The following AFAP1L2 variants were observed in gnomAD, a reference collection of about 807,000 sequenced individuals.
The protein encoded by AFAP1L2 is actin filament-associated protein 1-like 2.
In AFAP1L2, 46 loss-of-function variants were observed where a neutral mutation model predicts 99.3. The observed-to-expected ratio is 0.46, with a 90% CI of 0.37 to 0.59. The LOEUF is 0.59. Ranked by LOEUF, AFAP1L2 falls within the 20% of genes least tolerant of loss-of-function variation. The pLI is 0.00. For missense variants in AFAP1L2, 959 were observed against 1,034.9 expected, an observed-to-expected ratio of 0.93 and a Z score of 1.01; for synonymous variants, 397 against 419.1, an observed-to-expected ratio of 0.95 and a Z score of 0.64.
intron 1 of AFAP1L2, among the ~76,000 whole-genome samples, chr10:114,381,766 C>A (rs1251987332): frequency 6.6e-6 from 1 of 151,950 alleles, no homozygotes; most frequent in African/African-American, 2.4e-5. Context: ...CTTTGCAACT[C>A]ATACTTAAAG....
intron 4 of AFAP1L2, among the ~76,000 whole-genome samples, chr10:114,324,869 A>G (rs1029440136): frequency 1.3e-5 from 2 of 152,162 alleles, no homozygotes; most frequent in Non-Finnish European, 2.9e-5. Context: ...CTGCCATGAA[A>G]AATGGATTTG....
intron 10 of AFAP1L2, among the ~76,000 whole-genome samples, chr10:114,306,679 A>T (rs1403718154): frequency 1.3e-5 from 2 of 152,044 alleles, no homozygotes; most frequent in Admixed American, 1.3e-4. Flanking sequence ...ACTTTGGATC[A>T]TGAGAGGTGG....
downstream of AFAP1L2, chr10:114,289,882 C>T: frequency 3.0e-6 from 1 of 333,016 alleles, no homozygotes; most frequent in East Asian, 6.7e-5. Context: ...CTCCTCTTCA[C>T]CTTCTTAAAA....
intron 1 of AFAP1L2, among the ~76,000 whole-genome samples, chr10:114,378,701 AGAG>A (rs759440415): frequency 3.9e-5 from 6 of 152,236 alleles, no homozygotes; most frequent in African/African-American, 9.6e-5. Flanking sequence ...AAAATGGCCT[AGAG>A]GAGGAGAAGC....
intron 2 of AFAP1L2, among the ~76,000 whole-genome samples, chr10:114,334,924 G>A (rs2047705458): frequency 6.6e-6 from 1 of 152,220 alleles, no homozygotes; most frequent in Non-Finnish European, 1.5e-5. Flanking sequence ...AATACTGCCT[G>A]TTTCAACCAA....
chr10:114,298,515 G>T (rs1031938993), intron 16 of AFAP1L2, among the ~76,000 whole-genome samples: 70 of 152,202 alleles, frequency 4.6e-4, no homozygotes, highest in African/African-American at 1.6e-3. Flanking sequence ...GTTACTCCAT[G>T]AAAACTAAGT....
intron 2 of AFAP1L2, among the ~76,000 whole-genome samples, chr10:114,337,601 G>A (rs183117216): frequency 3.0e-4 from 46 of 152,314 alleles, no homozygotes; most frequent in Admixed American, 2.7e-3. Context: ...AGTCCACGGA[G>A]AGGGGAAGGC....
intron 2 of AFAP1L2, among the ~76,000 whole-genome samples, chr10:114,335,182 C>A (rs953333605): frequency 6.6e-6 from 1 of 152,110 alleles, no homozygotes; most frequent in Non-Finnish European, 1.5e-5. Context: ...TTGGAGGATA[C>A]ATTTTTGTGT....
At chr10:114,317,161 G>A (rs61869927) in intron 5 of AFAP1L2, among the ~76,000 whole-genome samples, 151 of 22,212 alleles carry the variant, frequency 6.8e-3, no homozygotes, top group Middle Eastern at 0.083. Context: ...TAAGAAGCAC[G>A]TTTGATTTTA....
the AFAP1L2 span, among the ~76,000 whole-genome samples, chr10:114,283,173 T>C: frequency 2.0e-5 from 3 of 152,194 alleles, no homozygotes; most frequent in Non-Finnish European, 4.4e-5. Context: ...CCCTTCAATG[T>C]GTAGGTGTCA....
At chr10:114,366,052 G>T (rs1490907118) in intron 1 of AFAP1L2, among the ~76,000 whole-genome samples, 1 of 152,064 alleles carries the variant, frequency 6.6e-6, no homozygotes, top group Non-Finnish European at 1.5e-5. Context: ...TAATTTTCTA[G>T]ATGCTCATCA....
the AFAP1L2 span, chr10:114,284,879 G>C: frequency 6.2e-7 from 1 of 1,609,356 alleles, no homozygotes; most frequent in Non-Finnish European, 8.5e-7. Context: ...GTGACTCGCA[G>C]CCCTGCCAGA....
At chr10:114,356,623 T>G (rs1446225889) in intron 1 of AFAP1L2, among the ~76,000 whole-genome samples, 3 of 152,228 alleles carry the variant, frequency 2.0e-5, no homozygotes, top group Admixed American at 6.5e-5. Context: ...CATCAGAGCA[T>G]TTTTAAAAGT....
downstream of AFAP1L2, among the ~76,000 whole-genome samples, chr10:114,293,321 C>T (rs1277385191): frequency 6.6e-6 from 1 of 152,196 alleles, no homozygotes; most frequent in Non-Finnish European, 1.5e-5. Context: ...CTTTAAATAG[C>T]AGTTTAACCA....
At chr10:114,336,879 A>C (rs924005027) in intron 2 of AFAP1L2, among the ~76,000 whole-genome samples, 1 of 152,234 alleles carries the variant, frequency 6.6e-6, no homozygotes, top group Non-Finnish European at 1.5e-5. Flanking sequence ...ACTGAGAAAA[A>C]AAGAAACAAA....
At chr10:114,315,279 C>G in intron 6 of AFAP1L2, among the ~76,000 whole-genome samples, 1 of 143,944 alleles carries the variant, frequency 6.9e-6, no homozygotes, top group East Asian at 2.3e-4. Flanking sequence ...GTATCTGTCT[C>G]ACAAAGAGGA....
chr10:114,334,199 C>G (rs1165933516), intron 2 of AFAP1L2, among the ~76,000 whole-genome samples: 1 of 152,252 alleles, frequency 6.6e-6, no homozygotes, highest in Non-Finnish European at 1.5e-5. Context: ...AAAACCACTT[C>G]TGTGCAGGTT....
At chr10:114,310,294 T>A in intron 8 of AFAP1L2, 60 bp downstream of exon 8, 2 of 1,536,230 alleles carry the variant, frequency 1.3e-6, no homozygotes, top group South Asian at 2.5e-5. Context: ...TTTTGCACTT[T>A]TAATTTTTAC....
downstream of AFAP1L2, among the ~76,000 whole-genome samples, chr10:114,290,772 G>C (rs889373001): frequency 6.6e-6 from 1 of 152,178 alleles, no homozygotes; most frequent in African/African-American, 2.4e-5. Flanking sequence ...GCGGTGGTGG[G>C]AGCTGCTGGA....
Sources: gnomAD v4.1 joint callset for allele counts (sites outside exome capture counted in the v4.1 genomes callset) on GRCh38, gnomAD v4.1.1 for gene constraint, MANE v1.5 for transcripts, NCBI Gene and HGNC (gene_info 2026-07-23, HGNC 2026-07-21) for gene names.